PHF21A: variants seen among roughly 807,000 people sequenced by gnomAD.
PHF21A encodes PHD finger protein 21A.
PHF21A carries 11 observed loss-of-function variants against 82.5 expected under a neutral mutation model. The ratio of observed to expected loss-of-function variants is 0.13; its 90% CI spans 0.08 to 0.22. PHF21A has a LOEUF of 0.22. Among genes scored for constraint, PHF21A ranks in the 10% least tolerant of loss-of-function variants. The pLI is 1.00. For missense variants in PHF21A, 579 were observed against 837.8 expected, an observed-to-expected ratio of 0.69 and a Z score of 3.81; for synonymous variants, 297 against 302.8, an observed-to-expected ratio of 0.98 and a Z score of 0.20.
In PHF21A at chr11:45,957,996, C is replaced by T. The variant is rs777936359; in HGVS notation, c.997-4371G>A. ...TAGGAGAATATATTGAAAAACTGTA[C>T]GCCAACAAACTAGACAACATAGATG... On this transcript the variant is annotated intron_variant, in intron 10 of 18. Coordinates refer to ENST00000676320, the MANE Select transcript of PHF21A (RefSeq NM_001352027.3). 9.9e-5 allele frequency among the ~76,000 whole-genome samples: 15 copies of T among 151,858 alleles called. No individual in the cohort carries two copies. The East Asian group carries it at 2.1e-3, about 22-fold the overall frequency.
intron 15 of PHF21A, among the ~76,000 whole-genome samples, chr11:45,944,485 T>A (rs2090966248): frequency 6.6e-6 from 1 of 152,192 alleles, no homozygotes; most frequent in Non-Finnish European, 1.5e-5. Flanking sequence ...AACCCTGTAA[T>A]GGTCTCCCAT....
At chr11:46,049,028 T>C (rs1317886160) in intron 6 of PHF21A, among the ~76,000 whole-genome samples, 1 of 152,208 alleles carries the variant, frequency 6.6e-6, no homozygotes, top group African/African-American at 2.4e-5. Flanking sequence ...ATGGCTAAAC[T>C]AGCTCTGCAG....
chr11:45,949,990 C>T (rs927535968), intron 12 of PHF21A, among the ~76,000 whole-genome samples: 9 of 152,162 alleles, frequency 5.9e-5, no homozygotes, highest in Non-Finnish European at 1.0e-4. Context: ...ATTTAGGCAA[C>T]TGGGGAGGTT....
intron 6 of PHF21A, among the ~76,000 whole-genome samples, chr11:46,007,549 G>C (rs1292026619): frequency 6.6e-6 from 1 of 152,092 alleles, no homozygotes; most frequent in Non-Finnish European, 1.5e-5. Context: ...CCTGACCTCA[G>C]GTGATTCGCC....
intron 7 of PHF21A, among the ~76,000 whole-genome samples, chr11:45,977,815 T>C (rs12574629): frequency 1.3e-5 from 2 of 152,018 alleles, no homozygotes; most frequent in Admixed American, 1.3e-4. Context: ...AGTATTGGTA[T>C]TGCTTTTTTC....
At chr11:46,025,236 A>C (rs993103198) in intron 6 of PHF21A, among the ~76,000 whole-genome samples, 6 of 152,118 alleles carry the variant, frequency 3.9e-5, no homozygotes, top group African/African-American at 1.4e-4. Flanking sequence ...GTATGATTTC[A>C]TACCACAGAT....
At chr11:46,086,807 T>A (rs10838560) in intron 3 of PHF21A, among the ~76,000 whole-genome samples, 17,572 of 152,164 alleles carry the variant, frequency 0.12, 2,269 homozygotes, top group East Asian at 0.58. Context: ...ACTCTGGAAA[T>A]GAACGGCAGG....
chr11:46,110,428 T>C (rs1482845769), intron 1 of PHF21A, among the ~76,000 whole-genome samples: 1 of 152,220 alleles, frequency 6.6e-6, no homozygotes, highest in Non-Finnish European at 1.5e-5. Context: ...GTCTCTATAC[T>C]GAATCTACAT....
At chr11:46,009,105 G>A (rs1342640911) in intron 6 of PHF21A, among the ~76,000 whole-genome samples, 1 of 151,064 alleles carries the variant, frequency 6.6e-6, no homozygotes, top group Non-Finnish European at 1.5e-5. Context: ...CTCCTGAGTA[G>A]CTGGGATTAC....
intron 6 of PHF21A, among the ~76,000 whole-genome samples, chr11:46,074,778 C>T (rs1051534625): frequency 6.6e-6 from 1 of 152,210 alleles, no homozygotes; most frequent in African/African-American, 2.4e-5. Context: ...GCTGGGATTA[C>T]AGGCGTGAGC....
intron 15 of PHF21A, among the ~76,000 whole-genome samples, chr11:45,945,319 A>G (rs903051687): frequency 6.6e-6 from 1 of 152,192 alleles, no homozygotes; most frequent in Non-Finnish European, 1.5e-5. Context: ...AAGGGCTACT[A>G]AGTATTTGAC....
intron 6 of PHF21A, among the ~76,000 whole-genome samples, chr11:46,064,713 A>C (rs2096575175): frequency 6.6e-6 from 1 of 152,204 alleles, no homozygotes; most frequent in African/African-American, 2.4e-5. Flanking sequence ...AAAAAGGAGA[A>C]ATCCAAAACA....
At chr11:45,949,514 A>C (rs1332422573) in intron 12 of PHF21A, 33 bp from the exon 13 acceptor site, 3 of 1,556,266 alleles carry the variant, frequency 1.9e-6, no homozygotes, top group Non-Finnish European at 2.7e-6. Flanking sequence ...ATTAGCAGAG[A>C]GGCATGGAGA....
intron 11 of PHF21A, among the ~76,000 whole-genome samples, chr11:45,950,549 A>G (rs897092418): frequency 1.6e-4 from 24 of 152,150 alleles, no homozygotes; most frequent in African/African-American, 5.8e-4. Flanking sequence ...AATCGCAAAA[A>G]AAACTCATGA....
At position 45,948,869 on chromosome 11, in the gene PHF21A, T is replaced by C; in HGVS notation, c.1288+17A>G. ...AAAAGCAACAGCAGCAAGGGAGAGATACAAAAAGGTCCTCACCTCTCTTCC... is the reference window on the plus strand; with the variant it reads ...AAAAGCAACAGCAGCAAGGGAGAGACACAAAAAGGTCCTCACCTCTCTTCC... On this transcript the variant is annotated intron_variant, in intron 14 of 18. Coordinates refer to ENST00000676320, the MANE Select transcript of PHF21A (RefSeq NM_001352027.3). The C allele has an allele frequency of 6.2e-7, 1 of 1,603,040 alleles. No homozygotes were observed. Among genetic ancestry groups the C allele is most frequent in the Non-Finnish European group, 8.5e-7 (1 of 1,169,864 alleles).
chr11:46,100,317 C>G (rs933821203), intron 1 of PHF21A, among the ~76,000 whole-genome samples: 1 of 151,850 alleles, frequency 6.6e-6, no homozygotes, highest in Non-Finnish European at 1.5e-5. Context: ...TAAGTCTCTT[C>G]ATCAGAGCAG....
chr11:45,996,504 TGA>T (rs759660221), intron 6 of PHF21A, among the ~76,000 whole-genome samples: 2 of 152,132 alleles, frequency 1.3e-5, no homozygotes, highest in Non-Finnish European at 2.9e-5. Flanking sequence ...TTTCCCTTTT[TGA>T]GAGACAGAGA....
At position 46,005,142 on chromosome 11, in the gene PHF21A, T is replaced by C. The variant is rs2095263901; in HGVS notation, c.154-25176A>G. On this transcript the variant is annotated intron_variant, in intron 6 of 18. Coordinates refer to ENST00000676320, the MANE Select transcript of PHF21A (RefSeq NM_001352027.3). ...GCAGTCCAAAAATTCAGGTTGAGCATCTTTAATCTGAAAAATCTGAAATCC... is the reference window on the plus strand; with the variant it reads ...GCAGTCCAAAAATTCAGGTTGAGCACCTTTAATCTGAAAAATCTGAAATCC... 2.0e-5 allele frequency among the ~76,000 whole-genome samples: 3 copies of C among 152,162 alleles called. 1 individual carries two copies. The South Asian group carries it at 6.2e-4, about 32-fold the overall frequency.
At chr11:45,970,828 G>A (rs2093700646) in intron 8 of PHF21A, 1 of 358,906 alleles carries the variant, frequency 2.8e-6, no homozygotes, top group Non-Finnish European at 5.1e-6. Context: ...AGACATAAAT[G>A]AAACAGTGTG....
Sources: allele counts gnomAD v4.1 joint callset (sites outside exome capture counted in the v4.1 genomes callset), GRCh38; gene constraint gnomAD v4.1.1; transcripts MANE v1.5; gene names NCBI Gene and HGNC (gene_info 2026-07-23, HGNC 2026-07-21).